CACNA2D1: variants seen among roughly 807,000 people sequenced by gnomAD.
CACNA2D1 encodes voltage-dependent calcium channel subunit alpha-2/delta-1.
In CACNA2D1, 53 loss-of-function variants were observed where a neutral mutation model predicts 171.5. The observed-to-expected ratio is 0.31, with a 90% CI of 0.25 to 0.39. The LOEUF (loss-of-function observed/expected upper bound fraction) is 0.39. Among genes scored for constraint, CACNA2D1 ranks in the 10% least tolerant of loss-of-function variants. The pLI is 1.00. For missense variants in CACNA2D1, 903 were observed against 1,299.8 expected (o/e 0.69, Z 4.69); for synonymous variants, 442 against 443.1 (o/e 1.00, Z 0.03).
chr7:82,294,576 G>A (rs1812040068), intron 3 of CACNA2D1, among the ~76,000 whole-genome samples: 1 of 152,036 alleles, frequency 6.6e-6, no homozygotes, highest in Non-Finnish European at 1.5e-5. Flanking sequence ...TTAATGATAA[G>A]TCATGTCATT....
At chr7:82,060,609 C>G (rs1416901522) in intron 9 of CACNA2D1, 82 bp from the exon 10 acceptor site, 6 of 817,062 alleles carry the variant, frequency 7.3e-6, no homozygotes, top group South Asian at 2.8e-5. Flanking sequence ...AATGTATGCA[C>G]TGACCCTAGA....
intron 10 of CACNA2D1, among the ~76,000 whole-genome samples, chr7:82,055,156 A>G (rs1805664718): frequency 1.3e-5 from 2 of 152,146 alleles, no homozygotes; most frequent in Non-Finnish European, 2.9e-5. Flanking sequence ...CAGAACATCA[A>G]TAGGCAAGGA....
chr7:82,227,876 C>A (rs1802522898), intron 3 of CACNA2D1, among the ~76,000 whole-genome samples: 1 of 152,074 alleles, frequency 6.6e-6, no homozygotes, highest in Non-Finnish European at 1.5e-5. Context: ...TATATCCTCA[C>A]CTCAATTTAG....
intron 1 of CACNA2D1, among the ~76,000 whole-genome samples, chr7:82,383,072 A>G: frequency 6.6e-6 from 1 of 152,172 alleles, no homozygotes; most frequent in East Asian, 1.9e-4. Flanking sequence ...TAGTAACCTA[A>G]AAGTCAGCAG....
chr7:82,327,191 TG>T (rs1490604160), intron 3 of CACNA2D1, among the ~76,000 whole-genome samples: 3 of 152,214 alleles, frequency 2.0e-5, no homozygotes, highest in Non-Finnish European at 4.4e-5. Flanking sequence ...CATCAACTGA[TG>T]GGATATACAT....
At chr7:82,230,142 G>T (rs1802774996) in intron 3 of CACNA2D1, among the ~76,000 whole-genome samples, 2 of 152,216 alleles carry the variant, frequency 1.3e-5, no homozygotes, top group South Asian at 4.1e-4. Context: ...GGAACAGGTT[G>T]TGACTAGAGT....
intron 1 of CACNA2D1, among the ~76,000 whole-genome samples, chr7:82,378,825 G>A (rs375007959): frequency 2.4e-3 from 372 of 152,236 alleles, no homozygotes; most frequent in South Asian, 4.3e-3. Flanking sequence ...ATGAAGTTCT[G>A]TATTTGTCAG....
chr7:82,163,358 C>T (rs951390982), intron 4 of CACNA2D1, among the ~76,000 whole-genome samples: 11 of 151,960 alleles, frequency 7.2e-5, no homozygotes, highest in African/African-American at 2.7e-4. Flanking sequence ...CTAGGCTAAA[C>T]CTGAATGATA....
At chr7:82,026,783 A>G (rs960764812) in intron 12 of CACNA2D1, among the ~76,000 whole-genome samples, 1 of 151,750 alleles carries the variant, frequency 6.6e-6, no homozygotes, top group African/African-American at 2.4e-5. Flanking sequence ...TATAATGTAC[A>G]TATGTACACT....
rs1792176209 is a variant in CACNA2D1, at chr7:81,948,048, T to C, written c.*2344A>G. The C allele has an allele frequency of 6.6e-6, 1 of 151,818 alleles. No individual in the cohort carries two copies. Among genetic ancestry groups the C allele is most frequent in the African/African-American group, 2.4e-5 (1 of 41,378 alleles). 9.4% of individuals were successfully genotyped at this position (151,818 alleles called of 1,614,324 possible). ...AATAACAATGTAATTGATGAAAACA[T>C]ATACTCGACATTAGCCATGAAAATA... is the stretch of plus-strand genomic sequence containing the variant. On this transcript the variant is annotated 3_prime_UTR_variant, in exon 39 of 39. Coordinates refer to ENST00000356860, the MANE Select transcript of CACNA2D1 (RefSeq NM_000722.4).
chr7:82,076,167 A>G (rs1400601833), intron 7 of CACNA2D1, among the ~76,000 whole-genome samples: 1 of 152,180 alleles, frequency 6.6e-6, no homozygotes, highest in East Asian at 1.9e-4. Flanking sequence ...AGGTTATACA[A>G]AATGCAACAA....
chr7:82,084,041 C>G (rs1810134881), intron 7 of CACNA2D1, among the ~76,000 whole-genome samples: 1 of 152,102 alleles, frequency 6.6e-6, no homozygotes, highest in South Asian at 2.1e-4. Context: ...TTTCAGCTTG[C>G]TCTAAAAAGT....
chr7:82,034,291 G>T (rs1281001454), intron 11 of CACNA2D1, among the ~76,000 whole-genome samples: 1 of 151,900 alleles, frequency 6.6e-6, no homozygotes, highest in Non-Finnish European at 1.5e-5. Flanking sequence ...TTTCTTTAGT[G>T]TTCTAAGTCA....
chr7:82,301,289 G>C (rs1315126051), intron 3 of CACNA2D1, among the ~76,000 whole-genome samples: 3 of 152,006 alleles, frequency 2.0e-5, no homozygotes, highest in Non-Finnish European at 4.4e-5. Context: ...ACCACACCCG[G>C]TTAATTTTGT....
chr7:82,095,150 T>C (rs258657), intron 6 of CACNA2D1, among the ~76,000 whole-genome samples: 53,099 of 151,890 alleles, frequency 0.35, 9,768 homozygotes, highest in East Asian at 0.4. Context: ...TCAAATGTCA[T>C]TCTGTATGCT....
intron 1 of CACNA2D1, among the ~76,000 whole-genome samples, chr7:82,402,580 G>A (rs947125344): frequency 6.8e-6 from 1 of 147,062 alleles, no homozygotes; most frequent in South Asian, 2.1e-4. Flanking sequence ...ACGTGATGGC[G>A]GGTGCCTGTA....
At chr7:81,978,495 C>T (rs140969122) in intron 24 of CACNA2D1, among the ~76,000 whole-genome samples, 44 of 151,960 alleles carry the variant, frequency 2.9e-4, no homozygotes, top group Non-Finnish European at 5.3e-4. Flanking sequence ...AAACAAACAC[C>T]GCATGTTCTC....
intron 1 of CACNA2D1, among the ~76,000 whole-genome samples, chr7:82,394,016 A>G (rs1376784060): frequency 6.6e-6 from 1 of 152,160 alleles, no homozygotes; most frequent in African/African-American, 2.4e-5. Context: ...GTTGAGAAAT[A>G]AACAAAACTT....
At chr7:82,214,570 G>C (rs1800913166) in intron 3 of CACNA2D1, among the ~76,000 whole-genome samples, 1 of 151,972 alleles carries the variant, frequency 6.6e-6, no homozygotes, top group Non-Finnish European at 1.5e-5. Flanking sequence ...ATCCAACTTG[G>C]AAGTTATGGA....
Sources: gnomAD v4.1 joint callset for allele counts (sites outside exome capture counted in the v4.1 genomes callset) on GRCh38, gnomAD v4.1.1 for gene constraint, MANE v1.5 for transcripts, NCBI Gene and HGNC (gene_info 2026-07-23, HGNC 2026-07-21) for gene names.